Variants in MDGA2 observed in about 807,000 individuals in gnomAD.
MDGA2 encodes MAM domain containing glycosylphosphatidylinositol anchor 2.
In MDGA2, 40 loss-of-function variants were observed where a neutral mutation model predicts 117.8. The ratio of observed to expected loss-of-function variants is 0.34; its 90% CI spans 0.26 to 0.44. The LOEUF is 0.44. Among genes scored for constraint, MDGA2 ranks in the 20% least tolerant of loss-of-function variants. The pLI is 1.00. For missense variants in MDGA2, 1,123 were observed against 1,250.6 expected, an observed-to-expected ratio of 0.90 and a Z score of 1.54; for synonymous variants, 452 against 439.0, an observed-to-expected ratio of 1.03 and a Z score of -0.37.
chr14:47,575,500 G>C (rs1455683204), intron 1 of MDGA2, among the ~76,000 whole-genome samples: 1 of 152,090 alleles, frequency 6.6e-6, no homozygotes, highest in Non-Finnish European at 1.5e-5. Context: ...ATGTCACTTG[G>C]AACTGCTGAT....
At chr14:47,604,089 C>T (rs528224389) in intron 1 of MDGA2, among the ~76,000 whole-genome samples, 5 of 152,208 alleles carry the variant, frequency 3.3e-5, no homozygotes, top group African/African-American at 1.2e-4. Context: ...ATTACCTGGT[C>T]ACAGGTATTA....
intron 4 of MDGA2, among the ~76,000 whole-genome samples, chr14:47,135,577 T>C (rs1444683894): frequency 2.6e-5 from 4 of 152,166 alleles, no homozygotes. Flanking sequence ...TCTCTTAAGA[T>C]AATCTATGCT....
intron 1 of MDGA2, among the ~76,000 whole-genome samples, chr14:47,307,828 G>A (rs1050020314): frequency 6.6e-6 from 1 of 152,132 alleles, no homozygotes; most frequent in Non-Finnish European, 1.5e-5. Flanking sequence ...AATGGTAGTT[G>A]ATGCTACATA....
At chr14:46,898,231 G>A (rs3007104) in intron 10 of MDGA2, among the ~76,000 whole-genome samples, 67,530 of 151,774 alleles carry the variant, frequency 0.44, 15,574 homozygotes, top group East Asian at 0.63. Context: ...TTTGGAGAAC[G>A]AGAGTTTATT....
At chr14:47,386,586 TAAG>T (rs1038571040) in intron 1 of MDGA2, among the ~76,000 whole-genome samples, 4 of 152,136 alleles carry the variant, frequency 2.6e-5, no homozygotes, top group South Asian at 2.1e-4. Context: ...ACTGATTAGT[TAAG>T]AAGAAGAGTG....
chr14:47,436,955 T>C (rs1892912179), intron 1 of MDGA2, among the ~76,000 whole-genome samples: 1 of 152,176 alleles, frequency 6.6e-6, no homozygotes, highest in Admixed American at 6.5e-5. Context: ...TATGCACGTA[T>C]ACCTACCACA....
chr14:47,189,092 A>C (rs1885015918), intron 3 of MDGA2, among the ~76,000 whole-genome samples: 1 of 152,162 alleles, frequency 6.6e-6, no homozygotes, highest in Non-Finnish European at 1.5e-5. Flanking sequence ...AGTTAAAAAC[A>C]AGAAGACAGA....
At position 47,388,693 on chromosome 14, in the gene MDGA2, T is replaced by C. The variant is rs963571889; in HGVS notation, c.281-87143A>G. Among the ~76,000 whole-genome samples the C allele has an allele frequency of 3.9e-5, 6 of 152,248 alleles. 1 individual carries two copies. Among genetic ancestry groups the C allele is most frequent in the Admixed American group, 3.9e-4 (6 of 15,274 alleles). ...GGGTTTGGAGTGTGAGTTATATTCT[T>C]CTATCATGCTTAGAAATGTACAGAA... On this transcript the variant is annotated intron_variant, in intron 1 of 16. Transcript: ENST00000399232.
At chr14:47,135,600 CTCTTT>C (rs1467807785) in intron 4 of MDGA2, among the ~76,000 whole-genome samples, 1 of 151,928 alleles carries the variant, frequency 6.6e-6, no homozygotes, top group Non-Finnish European at 1.5e-5. Context: ...ATTTCTAATT[CTCTTT>C]TCTTTTTTTT....
intron 1 of MDGA2, among the ~76,000 whole-genome samples, chr14:47,382,637 A>G (rs900338712): frequency 3.9e-5 from 6 of 152,236 alleles, no homozygotes; most frequent in Non-Finnish European, 7.3e-5. Context: ...AGAAATGCAA[A>G]TCAAAACCAC....
In MDGA2 at chr14:46,920,020, T is replaced by C; in HGVS notation, c.2230A>G (p.Ile744Val). 3 of 1,579,170 alleles carry C rather than the reference T, an allele frequency of 1.9e-6. No individual in the cohort carries two copies. The East Asian group carries it at 6.9e-5, about 37-fold the overall frequency. The change falls in exon 10 of 17, where the codon ATC becomes GTC. Residue 744 changes from isoleucine (I) to valine (V), a missense_variant. Around this residue, in one of 2 missense-constraint regions of MDGA2, gnomAD observed 890 missense variants for 1,050.3 expected, o/e 0.85. Transcript: ENST00000399232. ...VDRIVAYRLGIRQAGQQRWWE... is the reference protein window; with the variant it reads ...VDRIVAYRLGVRQAGQQRWWE... ...TCAGTTAGATTTCTCACCTGCCTGATGCCCAACCGGTATGCAACAATCCGA... is the reference window on the plus strand; with the variant it reads ...TCAGTTAGATTTCTCACCTGCCTGACGCCCAACCGGTATGCAACAATCCGA...
At chr14:46,869,422 T>C (rs113342401) in intron 14 of MDGA2, among the ~76,000 whole-genome samples, 2,612 of 151,292 alleles carry the variant, frequency 0.017, 36 homozygotes, top group Non-Finnish European at 0.027. Context: ...TGTCCATTAG[T>C]AGTCACAGGA....
At chr14:47,561,153 G>GTTTT (rs778265539) in intron 1 of MDGA2, among the ~76,000 whole-genome samples, 3 of 63,904 alleles carry the variant, frequency 4.7e-5, no homozygotes, top group Non-Finnish European at 7.7e-5. Context: ...TTTTTTTTTT[G>GTTTT]TTTTGTTTTG....
chr14:47,057,267 T>A (rs1889710808), intron 7 of MDGA2, among the ~76,000 whole-genome samples: 1 of 152,060 alleles, frequency 6.6e-6, no homozygotes, highest in East Asian at 1.9e-4. Context: ...GAACAAAAAA[T>A]TCACAATTTC....
At chr14:47,219,687 A>G (rs1422164985) in intron 2 of MDGA2, among the ~76,000 whole-genome samples, 3 of 152,016 alleles carry the variant, frequency 2.0e-5, no homozygotes, top group South Asian at 2.1e-4. Flanking sequence ...GCTAAACGAT[A>G]GGTGGTTATA....
intron 2 of MDGA2, among the ~76,000 whole-genome samples, chr14:47,236,290 CAAAAAAAAAAAAAA>C (rs5808383): frequency 1.5e-5 from 1 of 67,252 alleles, no homozygotes; most frequent in Non-Finnish European, 2.7e-5. Flanking sequence ...GACTCCGCCT[CAAAAAAAAAAAAAA>C]AAAAAAAAAC....
At chr14:47,634,249 G>A (rs1897286088) in intron 1 of MDGA2, among the ~76,000 whole-genome samples, 1 of 152,048 alleles carries the variant, frequency 6.6e-6, no homozygotes, top group South Asian at 2.1e-4. Flanking sequence ...TGTATATTAT[G>A]ACACATCAAA....
intron 5 of MDGA2, among the ~76,000 whole-genome samples, chr14:47,127,929 A>G (rs1594649933): frequency 6.6e-6 from 1 of 152,146 alleles, no homozygotes; most frequent in Admixed American, 6.6e-5. Flanking sequence ...ATTCCTAACA[A>G]AACACTCTGG....
At chr14:47,190,395 G>A (rs1469273895) in intron 3 of MDGA2, among the ~76,000 whole-genome samples, 2 of 152,166 alleles carry the variant, frequency 1.3e-5, no homozygotes, top group African/African-American at 4.8e-5. Flanking sequence ...AGGACATGCT[G>A]TATTATATAA....
Sources: allele counts gnomAD v4.1 joint callset (sites outside exome capture counted in the v4.1 genomes callset), GRCh38; gene constraint gnomAD v4.1.1; regional missense constraint gnomAD v4.1.1; transcripts MANE v1.5; gene names NCBI Gene and HGNC (gene_info 2026-07-23, HGNC 2026-07-21).